AGBL1: variants seen among roughly 807,000 people sequenced by gnomAD.
AGBL1 encodes cytosolic carboxypeptidase 4.
A neutral mutation model predicts 118.9 loss-of-function variants in AGBL1; 130 were observed. The ratio of observed to expected loss-of-function variants is 1.09; its 90% CI spans 0.95 to 1.26. AGBL1 has a LOEUF of 1.26. Ranked by LOEUF, AGBL1 falls within the 50% of genes most tolerant of loss-of-function variation. The pLI, the probability that AGBL1 is intolerant of heterozygous loss-of-function variation, is 0.00. For missense variants in AGBL1, 1,584 were observed against 1,298.1 expected (o/e 1.22, Z -3.38); for synonymous variants, 555 against 478.9 (o/e 1.16, Z -2.08).
At chr15:86,862,822 A>G (rs1248496232) in intron 22 of AGBL1, among the ~76,000 whole-genome samples, 1 of 152,244 alleles carries the variant, frequency 6.6e-6, no homozygotes, top group African/African-American at 2.4e-5. Flanking sequence ...GAGGATATAC[A>G]TACACGAGGA....
At chr15:86,842,223 A>G (rs1225423133) in intron 22 of AGBL1, among the ~76,000 whole-genome samples, 2 of 152,202 alleles carry the variant, frequency 1.3e-5, no homozygotes, top group Non-Finnish European at 2.9e-5. Context: ...ATATTAAAAA[A>G]AAAAAAAAAG....
chr15:86,604,462 C>T (rs1042158483), intron 21 of AGBL1, among the ~76,000 whole-genome samples: 2 of 152,188 alleles, frequency 1.3e-5, no homozygotes, highest in African/African-American at 4.8e-5. Flanking sequence ...AAATTTCAAT[C>T]CATGTTTTCT....
In AGBL1 at chr15:86,356,867, CACAAGGGT is replaced by C. The variant is rs202102910; in HGVS notation, c.2375-40496_2375-40489del. Among the ~76,000 whole-genome samples the C allele has an allele frequency of 8.7e-3, 1,322 of 152,292 alleles. 10 individuals carry two copies. Among genetic ancestry groups the C allele is most frequent in the Non-Finnish European group, 0.013 (851 of 68,016 alleles). ...TTTTACATTTGAGTCAGCTGAGTCC[CACAAGGGT>C]ACCAGAATTGTCCAACATTACACAG... On this transcript the variant is annotated intron_variant, in intron 17 of 22. Coordinates refer to ENST00000614907, the MANE Select transcript of AGBL1 (RefSeq NM_001386094.1).
intron 23 of AGBL1, among the ~76,000 whole-genome samples, chr15:86,980,197 G>C (rs2081216384): frequency 6.6e-6 from 1 of 152,168 alleles, no homozygotes; most frequent in Admixed American, 6.5e-5. Context: ...TGAAGCCATT[G>C]ATTTTATCCA....
intron 17 of AGBL1, among the ~76,000 whole-genome samples, chr15:86,317,823 T>C (rs991148077): frequency 3.3e-5 from 5 of 152,230 alleles, no homozygotes; most frequent in Non-Finnish European, 5.9e-5. Context: ...TAAAGATTTA[T>C]TTATAAAATA....
chr15:86,109,691 A>T (rs1897249056), intron 1 of AGBL1: 2 of 152,222 alleles, frequency 1.3e-5, no homozygotes, highest in African/African-American at 4.8e-5. Context: ...TTCTTTTAAG[A>T]ACTGTGAGTT....
At chr15:86,801,472 C>T (rs914003683) in intron 22 of AGBL1, among the ~76,000 whole-genome samples, 1 of 151,950 alleles carries the variant, frequency 6.6e-6, no homozygotes, top group African/African-American at 2.4e-5. Flanking sequence ...ATTTTACCTG[C>T]CCATGGACCC....
chr15:86,888,323 G>A (rs531736353), intron 22 of AGBL1, among the ~76,000 whole-genome samples: 2 of 150,976 alleles, frequency 1.3e-5, no homozygotes, highest in Non-Finnish European at 2.9e-5. Flanking sequence ...GCTGTCCAGT[G>A]GAAACTAAAT....
chr15:86,330,310 G>A (rs1193976046), intron 17 of AGBL1, among the ~76,000 whole-genome samples: 2 of 152,290 alleles, frequency 1.3e-5, no homozygotes, highest in East Asian at 3.9e-4. Context: ...AAACTGCATG[G>A]CCCAATATAA....
In AGBL1 at chr15:86,398,899, TAC is replaced by T. The variant is rs201004488; in HGVS notation, c.2555+1365_2555+1366del. On this transcript the variant is annotated intron_variant, in intron 18 of 22. Coordinates refer to ENST00000614907, the MANE Select transcript of AGBL1 (RefSeq NM_001386094.1). Reference sequence around the variant, plus strand: ...ACAGACCATAAAAATAAAATTTCAGTACACACACACACATACAGAAAGGAAAG... The same window carrying T: ...ACAGACCATAAAAATAAAATTTCAGTACACACACACATACAGAAAGGAAAG... Among the ~76,000 whole-genome samples, 57 of 152,006 alleles carry T rather than the reference TAC, an allele frequency of 3.7e-4. No individual in the cohort carries two copies. In the East Asian group the frequency reaches 9.5e-3, roughly 25 times the overall value.
intron 5 of AGBL1, among the ~76,000 whole-genome samples, chr15:86,190,280 A>T (rs1187917623): frequency 1.3e-5 from 2 of 152,134 alleles, no homozygotes; most frequent in East Asian, 3.8e-4. Flanking sequence ...AAAAATTGAT[A>T]CAATTATCAT....
chr15:86,885,626 T>G (rs1407949006), intron 22 of AGBL1, among the ~76,000 whole-genome samples: 3 of 152,200 alleles, frequency 2.0e-5, no homozygotes, highest in African/African-American at 7.2e-5. Context: ...GTAATATAAT[T>G]TCATTGTCAG....
At chr15:86,837,214 TCC>T (rs2079181516) in intron 22 of AGBL1, among the ~76,000 whole-genome samples, 1 of 141,118 alleles carries the variant, frequency 7.1e-6, no homozygotes, top group African/African-American at 2.5e-5. Context: ...CCAGAAGACT[TCC>T]TGACTATCAA....
intron 22 of AGBL1, among the ~76,000 whole-genome samples, chr15:86,709,286 C>CT (rs2142679167): frequency 6.6e-6 from 1 of 152,030 alleles, no homozygotes; most frequent in East Asian, 1.9e-4. Context: ...CAATTTATTT[C>CT]TTTTTTGCTA....
chr15:86,250,932 G>GCTGCTGCTGCTATTGCTA (rs2078805504), intron 7 of AGBL1, among the ~76,000 whole-genome samples: 1 of 152,246 alleles, frequency 6.6e-6, no homozygotes, highest in Non-Finnish European at 1.5e-5. Flanking sequence ...TGCTGTTGCT[G>GCTGCTGCTGCTATTGCTA]CTGCTGCTGC....
intron 5 of AGBL1, among the ~76,000 whole-genome samples, chr15:86,219,670 A>C (rs2078247602): frequency 6.6e-6 from 1 of 152,098 alleles, no homozygotes; most frequent in Non-Finnish European, 1.5e-5. Flanking sequence ...AAACCCGCTT[A>C]AGCTGTACCA....
chr15:86,953,967 AC>A (rs1322743433), intron 23 of AGBL1, among the ~76,000 whole-genome samples: 1 of 152,172 alleles, frequency 6.6e-6, no homozygotes, highest in Non-Finnish European at 1.5e-5. Context: ...CAAGCAGCCA[AC>A]AAACATTTGA....
At chr15:86,684,413 G>A (rs1302220945) in intron 22 of AGBL1, among the ~76,000 whole-genome samples, 1 of 151,576 alleles carries the variant, frequency 6.6e-6, no homozygotes, top group African/African-American at 2.4e-5. Flanking sequence ...TTGCTGTCCT[G>A]TAAATTTCCA....
intron 18 of AGBL1, among the ~76,000 whole-genome samples, chr15:86,411,741 A>AT (rs891965611): frequency 8.6e-5 from 13 of 152,004 alleles, no homozygotes; most frequent in South Asian, 2.1e-4. Flanking sequence ...CTTTTTGGCC[A>AT]TTTTTTTTGT....
Sources: gnomAD v4.1 joint callset for allele counts (sites outside exome capture counted in the v4.1 genomes callset) on GRCh38, gnomAD v4.1.1 for gene constraint, MANE v1.5 for transcripts, NCBI Gene and HGNC (gene_info 2026-07-23, HGNC 2026-07-21) for gene names.